Variants in AFG2A observed in about 807,000 individuals in gnomAD.
The protein encoded by AFG2A is AAA ATPase AFG2A.
At chr4:122,950,984 C>T in the AFG2A span, among the ~76,000 whole-genome samples, 1 of 152,168 alleles carries the variant, frequency 6.6e-6, no homozygotes, top group Non-Finnish European at 1.5e-5. Context: ...TCCCCTATGT[C>T]CTGTCTTCTT....
At chr4:123,253,761 G>A in the AFG2A span, among the ~76,000 whole-genome samples, 2 of 152,144 alleles carry the variant, frequency 1.3e-5, no homozygotes, top group Admixed American at 6.5e-5. Context: ...TTATGATGTG[G>A]TGGGTTTAAC....
chr4:123,296,133 A>T, the AFG2A span, among the ~76,000 whole-genome samples: 112 of 152,084 alleles, frequency 7.4e-4, no homozygotes, highest in African/African-American at 2.5e-3. Flanking sequence ...AAGAGCAGCC[A>T]TACATTATGT....
At chr4:123,125,323 G>A in the AFG2A span, among the ~76,000 whole-genome samples, 1 of 152,126 alleles carries the variant, frequency 6.6e-6, no homozygotes, top group South Asian at 2.1e-4. Flanking sequence ...CTGATTTACA[G>A]AGATAATTAA....
chr4:123,262,297 G>C, the AFG2A span, among the ~76,000 whole-genome samples: 1 of 152,148 alleles, frequency 6.6e-6, no homozygotes, highest in East Asian at 1.9e-4. Flanking sequence ...GCACTTTCTA[G>C]TTTTAATCAT....
At chr4:123,171,134 GTA>G in the AFG2A span, among the ~76,000 whole-genome samples, 1 of 152,240 alleles carries the variant, frequency 6.6e-6, no homozygotes, top group South Asian at 2.1e-4. Context: ...TAGCCTCTTT[GTA>G]TTTCAGTTTC....
At chr4:123,153,768 AC>A in the AFG2A span, among the ~76,000 whole-genome samples, 4,379 of 152,236 alleles carry the variant, frequency 0.029, 84 homozygotes, top group Non-Finnish European at 0.036. Context: ...ACTGTTGAAA[AC>A]CAGTGATAAA....
the AFG2A span, among the ~76,000 whole-genome samples, chr4:123,034,329 A>C: frequency 1.3e-5 from 2 of 152,100 alleles, no homozygotes. Flanking sequence ...ATGTGGTGAT[A>C]ATAGCACTTT....
the AFG2A span, among the ~76,000 whole-genome samples, chr4:123,108,978 A>T: frequency 6.6e-6 from 1 of 151,998 alleles, no homozygotes; most frequent in Non-Finnish European, 1.5e-5. Flanking sequence ...AATGTCTTTG[A>T]ATTGTGTATT....
At chr4:123,186,970 A>G in the AFG2A span, among the ~76,000 whole-genome samples, 3 of 152,304 alleles carry the variant, frequency 2.0e-5, no homozygotes, top group East Asian at 5.8e-4. Context: ...CTAGTTTGTC[A>G]TTGCAGTGGC....
At chr4:123,189,812 T>TTTTTC in the AFG2A span, among the ~76,000 whole-genome samples, 7 of 127,844 alleles carry the variant, frequency 5.5e-5, no homozygotes, top group African/African-American at 9.2e-5. Context: ...TCATTTGCTT[T>TTTTTC]TTTTTTTTTT....
chr4:123,024,690 C>A, the AFG2A span, among the ~76,000 whole-genome samples: 9 of 152,218 alleles, frequency 5.9e-5, no homozygotes, highest in African/African-American at 1.4e-4. Flanking sequence ...AAGGGCAAGA[C>A]CTCTGGAACA....
chr4:122,958,403 T>C, the AFG2A span, among the ~76,000 whole-genome samples: 7 of 152,216 alleles, frequency 4.6e-5, no homozygotes, highest in Admixed American at 2.6e-4. Flanking sequence ...TTAAGGCATC[T>C]TGACCAGATT....
At chr4:123,067,914 C>G in the AFG2A span, among the ~76,000 whole-genome samples, 1 of 152,102 alleles carries the variant, frequency 6.6e-6, no homozygotes, top group East Asian at 1.9e-4. Context: ...ATTGGTTGGT[C>G]AGATTTGGTC....
the AFG2A span, among the ~76,000 whole-genome samples, chr4:123,148,562 T>G: frequency 7.2e-5 from 11 of 152,198 alleles, no homozygotes; most frequent in African/African-American, 2.7e-4. Context: ...TGCTTCTGCT[T>G]TCTGCCAGTA....
the AFG2A span, among the ~76,000 whole-genome samples, chr4:123,008,160 G>T: frequency 6.6e-6 from 1 of 152,142 alleles, no homozygotes; most frequent in Non-Finnish European, 1.5e-5. Flanking sequence ...TCTTTCTGCT[G>T]AGGCCTATAG....
the AFG2A span, among the ~76,000 whole-genome samples, chr4:123,014,793 T>A: frequency 1.3e-5 from 2 of 152,226 alleles, no homozygotes; most frequent in Admixed American, 6.5e-5. Context: ...TCTATGAACA[T>A]CTGGCCCTCT....
chr4:123,062,052 A>T, the AFG2A span, among the ~76,000 whole-genome samples: 124,326 of 152,142 alleles, frequency 0.82, 52,430 homozygotes, highest in East Asian at 0.97. Flanking sequence ...TCTTGCTTTC[A>T]TAGGAGTTTA....
chr4:122,956,822 G>T, the AFG2A span, among the ~76,000 whole-genome samples: 1 of 152,168 alleles, frequency 6.6e-6, no homozygotes, highest in Non-Finnish European at 1.5e-5. Flanking sequence ...AGTGTATGTT[G>T]TATTATGTAG....
chr4:123,228,240 G>A, the AFG2A span, among the ~76,000 whole-genome samples: 1 of 152,030 alleles, frequency 6.6e-6, no homozygotes, highest in Admixed American at 6.6e-5. Context: ...ATATTGTTAT[G>A]TGTGAATTTG....
Sources: allele counts gnomAD v4.1 joint callset (sites outside exome capture counted in the v4.1 genomes callset), GRCh38; gene constraint gnomAD v4.1.1; transcripts MANE v1.5; gene names NCBI Gene and HGNC (gene_info 2026-07-23, HGNC 2026-07-21).